The following SERINC2 variants were observed in gnomAD, a reference collection of about 807,000 sequenced individuals.
SERINC2 encodes serine incorporator 2, also known as tumor differentially expressed protein 2.
A neutral mutation model predicts 54.2 loss-of-function variants in SERINC2; 56 were observed. The ratio of observed to expected loss-of-function variants is 1.03; its 90% CI spans 0.83 to 1.29. SERINC2 has a LOEUF of 1.29. SERINC2 is among the 50% of genes most tolerant of loss of function. The pLI is 0.00. For synonymous variants in SERINC2, 272 were observed against 253.1 expected, an observed-to-expected ratio of 1.07 and a Z score of -0.71; for missense variants, 614 against 607.4, an observed-to-expected ratio of 1.01 and a Z score of -0.12.
chr1:31,432,371 T>G (rs536050329), intron 8 of SERINC2, among the ~76,000 whole-genome samples: 1 of 152,196 alleles, frequency 6.6e-6, no homozygotes, highest in African/African-American at 2.4e-5. Flanking sequence ...TCAAATTCTG[T>G]TAAAAACATC....
chr1:31,428,627 G>A (rs367693269), intron 6 of SERINC2, among the ~76,000 whole-genome samples: 3 of 152,124 alleles, frequency 2.0e-5, no homozygotes, highest in African/African-American at 7.2e-5. Flanking sequence ...GCACAGCGAC[G>A]GCAAAGGCCT....
chr1:31,419,914 T>C (rs1188208362), intron 1 of SERINC2, among the ~76,000 whole-genome samples: 1 of 152,096 alleles, frequency 6.6e-6, no homozygotes, highest in Admixed American at 6.6e-5. Context: ...GAGGCTGAGG[T>C]AGGAGGATTG....
intron 8 of SERINC2, among the ~76,000 whole-genome samples, chr1:31,432,232 G>GTGGAC (rs1557501873): frequency 6.6e-6 from 1 of 151,594 alleles, no homozygotes; most frequent in Non-Finnish European, 1.5e-5. Context: ...GGTGGATAGG[G>GTGGAC]ACCCACTGAC....
intron 1 of SERINC2, chr1:31,414,594 A>T: frequency 1.0e-6 from 1 of 983,284 alleles, no homozygotes; most frequent in Non-Finnish European, 1.2e-6. Flanking sequence ...TTAGGCCTCC[A>T]TTTTTCGTGT....
chr1:31,414,709 C>T (rs1288616380), intron 1 of SERINC2: 1 of 985,318 alleles, frequency 1.0e-6, no homozygotes, highest in Non-Finnish European at 1.2e-6. Flanking sequence ...TCTCTGCCAA[C>T]AAGGGTTTGC....
chr1:31,423,889 C>T (rs375155489), intron 2 of SERINC2, 35 bp downstream of exon 2: 30 of 1,599,442 alleles, frequency 1.9e-5, no homozygotes, highest in Non-Finnish European at 2.3e-5. Flanking sequence ...CGGCCTCCAG[C>T]GAGGGGCGTC....
chr1:31,432,006 G>A (rs1553134646), intron 8 of SERINC2, among the ~76,000 whole-genome samples: 2 of 146,516 alleles, frequency 1.4e-5, no homozygotes, highest in Admixed American at 6.8e-5. Context: ...GGGTGGATAG[G>A]GTGGATAGGG....
chr1:31,415,789 AG>A, intron 1 of SERINC2: 1 of 884,662 alleles, frequency 1.1e-6, no homozygotes, highest in East Asian at 1.2e-4. Flanking sequence ...CAACTTCAGG[AG>A]GGATTTTTTT....
At position 31,429,487 on chromosome 1, in the gene SERINC2, C is replaced by T. The variant is rs782487105; in HGVS notation, c.962C>T (p.Ala321Val). Residue 321 changes from alanine to valine, a missense_variant, in exon 8 of 10, where the codon GCC (alanine) becomes GTC (valine). By Grantham distance (64) the Ala-to-Val change is moderately conservative (BLOSUM62 0). Coordinates refer to ENST00000373709, the MANE Select transcript of SERINC2 (RefSeq NM_178865.5). The stretch of plus-strand genomic sequence containing the variant: ...GGCTATGAGACCCAGTGGTGGGATG[C>T]CCCGAGCATTGTGGGCCTCATCATC... ...PEGYETQWWD[A>V]PSIVGLIIFL... 9.9e-6 allele frequency: 16 copies of T among 1,613,698 alleles called. 1 individual carries two copies. Among genetic ancestry groups the T allele is most frequent in the East Asian group, 6.7e-5 (3 of 44,872 alleles).
intron 1 of SERINC2, 103 bp from the exon 2 acceptor site, chr1:31,423,590 C>T (rs1640952357): frequency 8.2e-7 from 1 of 1,224,968 alleles, no homozygotes; most frequent in Non-Finnish European, 1.1e-6. Flanking sequence ...ACAGTGTGCT[C>T]CTGCCTAGCG....
In SERINC2 at chr1:31,426,558, G is replaced by A. The variant is rs1204130871; in HGVS notation, c.611-96G>A. 5.1e-6 allele frequency: 5 copies of A among 972,208 alleles called. No individual in the cohort carries two copies. The Admixed American group carries it at 7.0e-5, about 14-fold the overall frequency. The allele number at this position is 972,208 out of a possible 1,614,324, so 60.2% of individuals were successfully genotyped here. ...AAGTGGGGAAACTGAGAGCTGGAGAGGGGGAGAGCTGCCAACAGGGTCCCT... is the reference window on the plus strand; with the variant it reads ...AAGTGGGGAAACTGAGAGCTGGAGAAGGGGAGAGCTGCCAACAGGGTCCCT... On this transcript the variant is annotated intron_variant, in intron 5 of 9. Coordinates refer to ENST00000373709, the MANE Select transcript of SERINC2 (RefSeq NM_178865.5).
At chr1:31,429,139 G>A in intron 7 of SERINC2, 71 bp downstream of exon 7, 1 of 1,386,280 alleles carries the variant, frequency 7.2e-7, no homozygotes, top group Non-Finnish European at 1.0e-6. Context: ...TGTGGGGCTG[G>A]GGACCCTCAC....
rs547179455 is a variant in SERINC2, at chr1:31,424,513, G to A, written c.202-170G>A. Among the ~76,000 whole-genome samples, 49 of 150,730 alleles carry A rather than the reference G, an allele frequency of 3.3e-4. 1 individual carries two copies. Among genetic ancestry groups the A allele is most frequent in the African/African-American group, 5.1e-4 (21 of 41,508 alleles). On this transcript the variant is annotated intron_variant, in intron 2 of 9. Transcript: ENST00000373709. Reference sequence around the variant, plus strand: ...CCCAGAGAGGGCTAGGAATGGAGGCGGAGGCAGTGGAGATAGAGGTGAGGG... The same window carrying A: ...CCCAGAGAGGGCTAGGAATGGAGGCAGAGGCAGTGGAGATAGAGGTGAGGG...
At position 31,429,363 on chromosome 1, in the gene SERINC2, C is replaced by T. The variant is rs781828121; in HGVS notation, c.872-34C>T. 87 of 1,584,436 alleles carry T rather than the reference C, an allele frequency of 5.5e-5. No individual in the cohort carries two copies. The East Asian group carries it at 1.8e-3, about 33-fold the overall frequency. The stretch of plus-strand genomic sequence containing the variant: ...CACTTGGCTACCTAGGCCTGGCCTG[C>T]ATGGGCTGAGGGTGATTGTGCTCCC... On this transcript the variant is annotated intron_variant, in intron 7 of 9. Transcript: ENST00000373709.
At chr1:31,426,920 AGAGGCACGGCC>A in intron 6 of SERINC2, 97 bp downstream of exon 6, 1 of 1,155,414 alleles carries the variant, frequency 8.7e-7, no homozygotes, top group Non-Finnish European at 1.2e-6. Flanking sequence ...CTGTCATCAC[AGAGGCACGGCC>A]TGAGTGTGTG....
intron 8 of SERINC2, among the ~76,000 whole-genome samples, chr1:31,432,609 A>G (rs1553134889): frequency 4.6e-5 from 7 of 152,164 alleles, no homozygotes. Context: ...TGGAAATGGC[A>G]AAGGAACAAT....
At chr1:31,412,928 G>T (rs1640676555), upstream of SERINC2, among the ~76,000 whole-genome samples, 1 of 152,226 alleles carries the variant, frequency 6.6e-6, no homozygotes, top group South Asian at 2.1e-4. Flanking sequence ...TCCCAAGGGT[G>T]ACAGTGTCCT....
rs782678849 is a variant in SERINC2, at chr1:31,433,205, T to C, written c.1232+20T>C. The C allele has an allele frequency of 6.2e-7, 1 of 1,604,460 alleles. No homozygotes were observed. ...GTACAAGTGCGTAGCTGGTGGGGCA[T>C]GGACAGAGCCCGGAGGTGCAGGGTG... On this transcript the variant is annotated intron_variant, in intron 9 of 9. Coordinates refer to ENST00000373709, the MANE Select transcript of SERINC2 (RefSeq NM_178865.5).
chr1:31,424,808 C>G lies in SERINC2; in HGVS notation c.327C>G (p.Phe109Leu). The change falls in exon 3 of 10, where the codon TTC becomes TTG. Residue 109 changes from phenylalanine to leucine, a missense_variant. Coordinates refer to ENST00000373709, the MANE Select transcript of SERINC2 (RefSeq NM_178865.5). ...GCTTCGCCACGGCGGCCTTCTTCTT[C>G]TTTTTCACCCTGCTCATGCTCTGCG... is the stretch of plus-strand genomic sequence containing the variant. ...RMCFATAAFFFFFTLLMLCVS... is the reference protein window; with the variant it reads ...RMCFATAAFFLFFTLLMLCVS... 6.2e-7 allele frequency: 1 copy of G among 1,611,934 alleles called. No individual in the cohort carries two copies.
Sources: allele counts gnomAD v4.1 joint callset (sites outside exome capture counted in the v4.1 genomes callset), GRCh38; gene constraint gnomAD v4.1.1; transcripts MANE v1.5; gene names NCBI Gene and HGNC (gene_info 2026-07-23, HGNC 2026-07-21).